GRIN2A: variants seen among roughly 807,000 people sequenced by gnomAD.
GRIN2A encodes the protein glutamate ionotropic receptor NMDA type subunit 2A.
GRIN2A carries 22 observed loss-of-function variants against 113.4 expected under a neutral mutation model. The ratio of observed to expected loss-of-function variants is 0.19; its 90% CI spans 0.14 to 0.28. The LOEUF (loss-of-function observed/expected upper bound fraction) is 0.28, where lower values mean the gene tolerates loss of function less well. Among genes scored for constraint, GRIN2A ranks in the 10% least tolerant of loss-of-function variants. The pLI, the probability that GRIN2A is intolerant of heterozygous loss-of-function variation, is 1.00. For synonymous variants in GRIN2A, 827 were observed against 738.4 expected (o/e 1.12, Z -1.94); for missense variants, 1,502 against 1,887.0 (o/e 0.80, Z 3.78).
chr16:10,027,011 T>C (rs2046835053), intron 2 of GRIN2A, among the ~76,000 whole-genome samples: 1 of 152,188 alleles, frequency 6.6e-6, no homozygotes, highest in South Asian at 2.1e-4. Context: ...TCCTTTTGCC[T>C]TTCCCTAATC....
At chr16:10,095,614 T>C (rs1314936732) in intron 2 of GRIN2A, among the ~76,000 whole-genome samples, 7 of 152,186 alleles carry the variant, frequency 4.6e-5, no homozygotes, top group Non-Finnish European at 4.4e-5. Flanking sequence ...TGCCTAATAA[T>C]ATAGGAGCTA....
intron 2 of GRIN2A, among the ~76,000 whole-genome samples, chr16:10,044,417 G>C (rs1238790085): frequency 6.6e-6 from 1 of 151,580 alleles, no homozygotes; most frequent in Non-Finnish European, 1.5e-5. Context: ...AGTTTGACTT[G>C]CCTGCCCTCC....
At chr16:10,081,292 CCTTTGTT>C (rs1172126088) in intron 2 of GRIN2A, among the ~76,000 whole-genome samples, 3 of 152,164 alleles carry the variant, frequency 2.0e-5, no homozygotes, top group Admixed American at 1.3e-4. Context: ...TGCCTGGTTT[CCTTTGTT>C]CTCAAACTCT....
chr16:10,010,558 T>C (rs2046486405), intron 2 of GRIN2A, among the ~76,000 whole-genome samples: 1 of 152,238 alleles, frequency 6.6e-6, no homozygotes, highest in Non-Finnish European at 1.5e-5. Flanking sequence ...AATAAGATCA[T>C]GTATAGGAAC....
At chr16:9,814,341 T>C (rs1041482819) in intron 10 of GRIN2A, among the ~76,000 whole-genome samples, 1 of 152,166 alleles carries the variant, frequency 6.6e-6, no homozygotes, top group African/African-American at 2.4e-5. Context: ...ATTGGGTAAT[T>C]AGGTTAACAT....
At chr16:10,036,813 G>A (rs1327537659) in intron 2 of GRIN2A, among the ~76,000 whole-genome samples, 1 of 151,920 alleles carries the variant, frequency 6.6e-6, no homozygotes, top group Non-Finnish European at 1.5e-5. Context: ...CTGTTTCTGT[G>A]TCCAATTTTC....
At chr16:9,952,533 C>T (rs1483520223) in intron 2 of GRIN2A, among the ~76,000 whole-genome samples, 1 of 152,100 alleles carries the variant, frequency 6.6e-6, no homozygotes, top group Non-Finnish European at 1.5e-5. Context: ...AGGTCCATGC[C>T]TCTCTGGCTC....
At position 9,935,079 on chromosome 16, in the gene GRIN2A, C is replaced by G. The variant is rs149960686; in HGVS notation, c.1007+2880G>C. Among the ~76,000 whole-genome samples the G allele has an allele frequency of 4.7e-3, 711 of 152,240 alleles. 5 individuals are homozygous for G. Among genetic ancestry groups the G allele is most frequent in the African/African-American group, 0.016 (663 of 41,542 alleles). On this transcript the variant is annotated intron_variant, in intron 3 of 12. Coordinates refer to ENST00000330684, the MANE Select transcript of GRIN2A (RefSeq NM_001134407.3). ...GAATTTTTTAAAAAAAGCATAGAAT[C>G]CAGGGTGGTCACTGGAAAGGGATCT...
At chr16:9,963,651 T>C (rs2045489015) in intron 2 of GRIN2A, among the ~76,000 whole-genome samples, 1 of 152,240 alleles carries the variant, frequency 6.6e-6, no homozygotes, top group Admixed American at 6.5e-5. Flanking sequence ...ATGTAAGCTA[T>C]GCCTCCATAA....
chr16:9,868,779 A>G (rs1248591646), intron 4 of GRIN2A, among the ~76,000 whole-genome samples: 3 of 151,882 alleles, frequency 2.0e-5, no homozygotes, highest in Admixed American at 2.0e-4. Context: ...CCCCACATCA[A>G]CTCATGAATC....
At chr16:9,875,956 T>A (rs1406886121) in intron 4 of GRIN2A, among the ~76,000 whole-genome samples, 2 of 152,164 alleles carry the variant, frequency 1.3e-5, no homozygotes, top group Non-Finnish European at 2.9e-5. Flanking sequence ...CACTACATTA[T>A]AAGTTCCCTG....
intron 2 of GRIN2A, among the ~76,000 whole-genome samples, chr16:10,163,120 A>G (rs1567342665): frequency 6.6e-6 from 1 of 152,210 alleles, no homozygotes; most frequent in Non-Finnish European, 1.5e-5. Context: ...AACCCCAATG[A>G]AAACAGGAAT....
intron 3 of GRIN2A, among the ~76,000 whole-genome samples, chr16:9,906,546 A>AT (rs1248651737): frequency 6.6e-6 from 1 of 152,188 alleles, no homozygotes; most frequent in Non-Finnish European, 1.5e-5. Context: ...TTCTCTGGGA[A>AT]TTTTTTATTG....
intron 2 of GRIN2A, among the ~76,000 whole-genome samples, chr16:10,108,454 A>G (rs1053410828): frequency 2.0e-5 from 3 of 152,210 alleles, no homozygotes; most frequent in Admixed American, 2.0e-4. Context: ...CAGCCAAACC[A>G]TATCATTGGG....
intron 2 of GRIN2A, among the ~76,000 whole-genome samples, chr16:9,975,665 C>T (rs1735740678): frequency 6.6e-6 from 1 of 152,138 alleles, no homozygotes; most frequent in Non-Finnish European, 1.5e-5. Context: ...AATAAACATG[C>T]CAAACCCAAA....
chr16:9,885,935 A>G (rs984824800), intron 4 of GRIN2A, among the ~76,000 whole-genome samples: 5 of 152,238 alleles, frequency 3.3e-5, no homozygotes, highest in African/African-American at 1.2e-4. Context: ...GCTATGTTTC[A>G]ACAGGAATTT....
intron 4 of GRIN2A, among the ~76,000 whole-genome samples, chr16:9,864,431 G>GT (rs201739708): frequency 0.034 from 4,623 of 135,294 alleles, 230 homozygotes; most frequent in African/African-American, 0.12. Flanking sequence ...TCTATGGCAA[G>GT]TTTTTTTTTA....
Position 9,876,866 on chromosome 16 carries a change from G to GA in GRIN2A, c.1122+14119dup, listed in dbSNP as rs150990212. 5.2e-3 allele frequency among the ~76,000 whole-genome samples: 794 copies of GA among 152,220 alleles called. 6 individuals are homozygous for GA. Among genetic ancestry groups the GA allele is most frequent in the African/African-American group, 0.018 (756 of 41,524 alleles). On this transcript the variant is annotated intron_variant, in intron 4 of 12. Coordinates refer to ENST00000330684, the MANE Select transcript of GRIN2A (RefSeq NM_001134407.3). ...GGTGCATGGGTGGATAAATGGATGGGAAAATGGTTCAATCCCATCAGAGAC... is the reference window on the plus strand; with the variant it reads ...GGTGCATGGGTGGATAAATGGATGGGAAAAATGGTTCAATCCCATCAGAGAC...
At chr16:10,152,175 A>G (rs2049594508) in intron 2 of GRIN2A, among the ~76,000 whole-genome samples, 1 of 152,192 alleles carries the variant, frequency 6.6e-6, no homozygotes, top group Non-Finnish European at 1.5e-5. Context: ...CCAAAAATCC[A>G]GATACCAGAC....
Sources: gnomAD v4.1 joint callset for allele counts (sites outside exome capture counted in the v4.1 genomes callset) on GRCh38, gnomAD v4.1.1 for gene constraint, MANE v1.5 for transcripts, NCBI Gene and HGNC (gene_info 2026-07-23, HGNC 2026-07-21) for gene names.